Variants in RAB11FIP4 observed in about 807,000 individuals in gnomAD.
RAB11FIP4 encodes rab11 family-interacting protein 4.
Under a neutral mutation model 74.3 loss-of-function variants are expected in RAB11FIP4, and 23 were observed. That is an observed-to-expected ratio of 0.31 (90% CI 0.22 to 0.44). The LOEUF (loss-of-function observed/expected upper bound fraction) is 0.44. Among genes scored for constraint, RAB11FIP4 ranks in the 20% least tolerant of loss-of-function variants. RAB11FIP4 has a pLI of 1.00. For synonymous variants in RAB11FIP4, 360 were observed against 359.9 expected (o/e 1.00, Z 0.00); for missense variants, 630 against 863.9 (o/e 0.73, Z 3.39).
rs11870672 is a variant in RAB11FIP4 at position 31,398,781 on chromosome 17, G to A, written c.159+6770G>A. Among the ~76,000 whole-genome samples, 1,072 of 152,302 alleles carry A rather than the reference G, an allele frequency of 7.0e-3. 14 individuals are homozygous for A. Among genetic ancestry groups the A allele is most frequent in the African/African-American group, 0.024 (1,018 of 41,560 alleles). ...AAGAGGAAAAGAAGAAGAAAGGACC[G>A]GACAGAGGGAGGAGAGGCTGGGCCA... On this transcript the variant is annotated intron_variant, in intron 1 of 14. Transcript: ENST00000621161.
At position 31,537,396 on chromosome 17, in the gene RAB11FIP4, AC is replaced by A. The variant is rs2072983938; in HGVS notation, c.*5667del. 5 of 395,332 alleles carry A rather than the reference AC, an allele frequency of 1.3e-5. No individual in the cohort carries two copies. The South Asian group carries it at 5.7e-4, about 45-fold the overall frequency. 24.5% of individuals were successfully genotyped at this position (395,332 alleles called of 1,614,324 possible). ...ATTGTCTTAAGCATGGGGGGCTAGG[AC>A]CCACTTAGTCCCTCCTCCAGCCTGC... is the stretch of plus-strand genomic sequence containing the variant. On this transcript the variant is annotated 3_prime_UTR_variant, in exon 15 of 15. Coordinates refer to ENST00000621161, the MANE Select transcript of RAB11FIP4 (RefSeq NM_032932.6).
intron 3 of RAB11FIP4, among the ~76,000 whole-genome samples, chr17:31,487,460 C>G (rs937035099): frequency 5.5e-5 from 8 of 146,648 alleles, no homozygotes; most frequent in South Asian, 4.3e-4. Flanking sequence ...GGGTCCTCTC[C>G]TTTTTTTTTT....
At chr17:31,412,066 GGGA>G (rs2071102348) in intron 1 of RAB11FIP4, among the ~76,000 whole-genome samples, 1 of 152,180 alleles carries the variant, frequency 6.6e-6, no homozygotes, top group African/African-American at 2.4e-5. Context: ...GCTTGGTCCT[GGGA>G]GGACCCACCA....
intron 3 of RAB11FIP4, among the ~76,000 whole-genome samples, chr17:31,504,940 A>C (rs528109152): frequency 6.6e-6 from 1 of 152,132 alleles, no homozygotes; most frequent in South Asian, 2.1e-4. Context: ...GCCTGCCTCA[A>C]CCTTTAGAAA....
At chr17:31,417,714 A>G (rs958819381) in intron 1 of RAB11FIP4, among the ~76,000 whole-genome samples, 1 of 152,198 alleles carries the variant, frequency 6.6e-6, no homozygotes, top group Admixed American at 6.5e-5. Context: ...AGCAGAATAC[A>G]TTCCCTTTCT....
chr17:31,497,374 CA>C (rs151121427), intron 3 of RAB11FIP4, among the ~76,000 whole-genome samples: 2 of 148,034 alleles, frequency 1.4e-5, no homozygotes, highest in South Asian at 4.3e-4. Flanking sequence ...AAAAACAAAA[CA>C]AAAAAAAAAC....
intron 3 of RAB11FIP4, among the ~76,000 whole-genome samples, chr17:31,445,067 A>G (rs1269042787): frequency 2.0e-5 from 3 of 152,244 alleles, no homozygotes; most frequent in Admixed American, 1.3e-4. Flanking sequence ...CTGAACTGGG[A>G]TATCAGTGGA....
chr17:31,445,611 A>T (rs1415915427), intron 3 of RAB11FIP4, among the ~76,000 whole-genome samples: 4 of 106,800 alleles, frequency 3.7e-5, no homozygotes, highest in South Asian at 3.1e-4. Context: ...TTTGACACGG[A>T]GTCTTGCTCT....
chr17:31,527,299 C>T (rs2072783119), intron 10 of RAB11FIP4: 1 of 152,402 alleles, frequency 6.6e-6, no homozygotes, highest in African/African-American at 2.4e-5. Flanking sequence ...TGAATGTTTC[C>T]ACTTATTGGA....
intron 3 of RAB11FIP4, chr17:31,509,522 AAG>A (rs1490681114): frequency 2.0e-5 from 3 of 152,398 alleles, no homozygotes; most frequent in Non-Finnish European, 4.4e-5. Context: ...CGGCTGGGAG[AAG>A]AGAGTCTGGA....
intron 1 of RAB11FIP4, among the ~76,000 whole-genome samples, chr17:31,404,865 A>C (rs1422056452): frequency 6.6e-6 from 1 of 152,030 alleles, no homozygotes; most frequent in African/African-American, 2.4e-5. Flanking sequence ...TCAGAAATGG[A>C]TGGCGGGGCT....
At chr17:31,405,619 C>G (rs1257820952) in intron 1 of RAB11FIP4, among the ~76,000 whole-genome samples, 1 of 152,154 alleles carries the variant, frequency 6.6e-6, no homozygotes, top group Admixed American at 6.5e-5. Context: ...GCGATCCGCC[C>G]TCCTAGGCCT....
chr17:31,452,142 T>C (rs2071532857), intron 3 of RAB11FIP4, among the ~76,000 whole-genome samples: 2 of 151,906 alleles, frequency 1.3e-5, no homozygotes, highest in Non-Finnish European at 2.9e-5. Flanking sequence ...TGTATCTTGT[T>C]TGGCACAGTC....
intron 4 of RAB11FIP4, 123 bp downstream of exon 4, chr17:31,518,000 C>T: frequency 1.4e-6 from 1 of 721,938 alleles, no homozygotes; most frequent in Non-Finnish European, 2.3e-6. Flanking sequence ...GCATTAGTGT[C>T]ATGGGTATTC....
intron 3 of RAB11FIP4, among the ~76,000 whole-genome samples, chr17:31,451,148 A>C (rs1339599648): frequency 2.0e-5 from 3 of 152,054 alleles, no homozygotes; most frequent in Non-Finnish European, 2.9e-5. Context: ...ATGACACCGG[A>C]GTGTTCTTTA....
At chr17:31,456,413 C>A (rs1167511506) in intron 3 of RAB11FIP4, among the ~76,000 whole-genome samples, 1 of 152,132 alleles carries the variant, frequency 6.6e-6, no homozygotes, top group African/African-American at 2.4e-5. Flanking sequence ...CACCATGTTG[C>A]CCAGGCTTGT....
intron 3 of RAB11FIP4, among the ~76,000 whole-genome samples, chr17:31,475,089 G>A (rs915123622): frequency 3.3e-5 from 5 of 152,112 alleles, no homozygotes; most frequent in African/African-American, 1.2e-4. Context: ...GAGGGCAGGA[G>A]CAAAACCTTG....
chr17:31,506,922 T>C (rs866720619), intron 3 of RAB11FIP4, among the ~76,000 whole-genome samples: 4 of 152,216 alleles, frequency 2.6e-5, no homozygotes, highest in Admixed American at 1.3e-4. Flanking sequence ...TGTTGGATCA[T>C]ATGATAGTTT....
intron 3 of RAB11FIP4, chr17:31,465,602 G>T (rs2071677245): frequency 6.6e-6 from 1 of 151,836 alleles, no homozygotes; most frequent in Non-Finnish European, 1.5e-5. Flanking sequence ...GATCGCTAGA[G>T]CCCAGGAGCT....
Sources: allele counts gnomAD v4.1 joint callset (sites outside exome capture counted in the v4.1 genomes callset), GRCh38; gene constraint gnomAD v4.1.1; transcripts MANE v1.5; gene names NCBI Gene and HGNC (gene_info 2026-07-23, HGNC 2026-07-21).